HERC1: variants seen among roughly 807,000 people sequenced by gnomAD.
HERC1 encodes HECT and RLD domain containing E3 ubiquitin protein ligase family member 1.
In HERC1, 160 loss-of-function variants were observed where a neutral mutation model predicts 554.3. That is an observed-to-expected ratio of 0.29 (90% CI 0.25 to 0.33). The LOEUF (loss-of-function observed/expected upper bound fraction) is 0.33. Ranked by LOEUF, HERC1 falls within the 10% of genes least tolerant of loss-of-function variation. The pLI is 1.00. For missense variants in HERC1, 4,919 were observed against 5,918.5 expected (o/e 0.83, Z 5.54); for synonymous variants, 2,175 against 2,131.7 (o/e 1.02, Z -0.56).
intron 1 of HERC1, among the ~76,000 whole-genome samples, chr15:63,784,272 T>C (rs1204974640): frequency 2.0e-5 from 3 of 152,014 alleles, no homozygotes; most frequent in Non-Finnish European, 4.4e-5. Flanking sequence ...AATTCAAAAA[T>C]ATACACATAA....
intron 8 of HERC1, chr15:63,752,447 T>G (rs1285747674): frequency 6.6e-6 from 1 of 152,324 alleles, no homozygotes; most frequent in Non-Finnish European, 1.5e-5. Context: ...TCGAAGCTTA[T>G]AAGCTATAAA....
intron 63 of HERC1, among the ~76,000 whole-genome samples, chr15:63,638,041 C>T (rs187380276): frequency 1.3e-5 from 2 of 152,180 alleles, no homozygotes; most frequent in East Asian, 1.9e-4. Context: ...GGCGCTATAT[C>T]GTACCAGGAT....
At chr15:63,622,765 G>A in intron 74 of HERC1, 50 bp downstream of exon 74, 1 of 1,359,144 alleles carries the variant, frequency 7.4e-7, no homozygotes. Flanking sequence ...ATAAATGTGA[G>A]CTATTATTAT....
At chr15:63,744,053 T>A (rs1001715347) in intron 12 of HERC1, among the ~76,000 whole-genome samples, 22 of 151,514 alleles carry the variant, frequency 1.5e-4, no homozygotes, top group Non-Finnish European at 2.4e-4. Flanking sequence ...CTGGGAGAAT[T>A]CTCTGGATTA....
In HERC1 at chr15:63,652,515, T is replaced by C. The variant is rs2069748628; in HGVS notation, c.10317A>G (p.Lys3439=). 1.9e-6 allele frequency: 3 copies of C among 1,600,990 alleles called. No homozygotes were observed. Residue 3439 remains lysine (K), a synonymous_variant, in exon 52 of 78, where the codon AAA becomes AAG. Transcript: ENST00000443617. ...TGCCACTTGTAGCCAAAAGACCTTT[T>C]TTATTACACCAAACACATGTCATTA... ...NRVMTCVWCN[K]KGLLATSGND... is the part of the protein sequence containing the mutation.
At chr15:63,618,972 C>G (rs146159842) in intron 74 of HERC1, among the ~76,000 whole-genome samples, 2 of 151,744 alleles carry the variant, frequency 1.3e-5, no homozygotes, top group African/African-American at 4.8e-5. Context: ...CTTTTCCTAA[C>G]TGAATGCCCT....
Position 63,656,230 on chromosome 15 carries a change from G to C in HERC1, c.9728C>G (p.Ala3243Gly). The C allele has an allele frequency of 1.2e-6, 2 of 1,613,718 alleles. No homozygotes were observed. The highest frequency in any genetic ancestry group is 1.7e-6 in the Non-Finnish European group (2 of 1,179,760). The change falls in exon 49 of 78, where the codon GCT (alanine) becomes GGT (glycine). Residue 3243 changes from alanine to glycine, a missense_variant. Around this residue, in one of 11 missense-constraint regions of HERC1, gnomAD observed 1,963 missense variants for 2,228.6 expected, o/e 0.88. Coordinates refer to ENST00000443617, the MANE Select transcript of HERC1 (RefSeq NM_003922.4). ...ACCTCGTGATCGTTCTGAGGTGCTA[G>C]CCATGGCAGAAGGGCTGGTGGAGAG... ...AGLSTSPSAM[A>G]STSERSRGGH...
At chr15:63,733,710 A>C (rs2074387928) in intron 13 of HERC1, among the ~76,000 whole-genome samples, 1 of 151,976 alleles carries the variant, frequency 6.6e-6, no homozygotes, top group African/African-American at 2.4e-5. Context: ...AAATTAGCTG[A>C]GCATGGTGGT....
At chr15:63,722,481 C>T (rs899896895) in intron 19 of HERC1, among the ~76,000 whole-genome samples, 2 of 152,174 alleles carry the variant, frequency 1.3e-5, no homozygotes, top group Admixed American at 6.5e-5. Flanking sequence ...TTCATGGTTT[C>T]AGTTACTTGC....
At chr15:63,829,269 A>C (rs2078043656) in intron 1 of HERC1, among the ~76,000 whole-genome samples, 2 of 151,808 alleles carry the variant, frequency 1.3e-5, no homozygotes, top group Non-Finnish European at 1.5e-5. Context: ...AAATTAAAAA[A>C]AAATCAGCGG....
rs1307780445 is a variant in HERC1, at chr15:63,661,328, C to G, written c.9171-303G>C. On this transcript the variant is annotated intron_variant, in intron 45 of 77. Coordinates refer to ENST00000443617, the MANE Select transcript of HERC1 (RefSeq NM_003922.4). ...TTTAATAGTTGACAATTAAGGGCAA[C>G]AAACCTACTCTCTAGGGATTAAGGA... Among the ~76,000 whole-genome samples, 4 of 152,142 alleles carry G rather than the reference C, an allele frequency of 2.6e-5. No individual in the cohort carries two copies. In the South Asian group the frequency reaches 8.3e-4, roughly 31 times the overall value.
In HERC1 at chr15:63,623,724, C is replaced by T; in HGVS notation, c.13611+1G>A. The stretch of plus-strand genomic sequence containing the variant: ...CAGCAGGGGACACTGCAGGAATATA[C>T]CTGGCACATCTCTGTGATGGTGTCA... On this transcript the variant is annotated splice_donor_variant, in intron 73 of 77. Transcript: ENST00000443617. LOFTEE classifies it high-confidence loss of function. 6.2e-7 allele frequency: 1 copy of T among 1,613,638 alleles called. No homozygotes were observed. Among genetic ancestry groups the T allele is most frequent in the Non-Finnish European group, 8.5e-7 (1 of 1,179,686 alleles).
At chr15:63,645,453 A>G in intron 56 of HERC1, 30 bp downstream of exon 56, 4 of 1,537,952 alleles carry the variant, frequency 2.6e-6, no homozygotes, top group Non-Finnish European at 3.5e-6. Context: ...TATAAAAACT[A>G]AGACGTATAG....
chr15:63,727,789 G>A lies in HERC1; in HGVS notation c.3204C>T (p.Asn1068=), dbSNP rs1188109582. 7 of 1,613,830 alleles carry A rather than the reference G, an allele frequency of 4.3e-6. No homozygotes were observed. Among genetic ancestry groups the A allele is most frequent in the Non-Finnish European group, 5.9e-6 (7 of 1,179,864 alleles). ...CTGACACAGGGAGTAACAGCAGGGA[G>A]TTAACAATCTGGCAGAGCATACTGC... ...AAGSMLCQIV[N]SLLLLPVSVA... Residue 1068 remains asparagine, a synonymous_variant, in exon 17 of 78, where the codon AAC becomes AAT. Coordinates refer to ENST00000443617, the MANE Select transcript of HERC1 (RefSeq NM_003922.4). The surrounding 1 kb of genome is among the most constrained non-coding windows in gnomAD (Gnocchi z 4.3).
Position 63,758,950 on chromosome 15 carries a change from A to T in HERC1, c.1027-581T>A, listed in dbSNP as rs2075519243. On this transcript the variant is annotated intron_variant, in intron 3 of 77. Coordinates refer to ENST00000443617, the MANE Select transcript of HERC1 (RefSeq NM_003922.4). This position sits in a 1 kb window ranked among gnomAD's most constrained non-coding sequence, Gnocchi z 4.0. ...CATTATCTTACACAGACTAGACTCA[A>T]ACTCCTGGGTTCAAGCAATCCTCCC... 6.6e-6 allele frequency among the ~76,000 whole-genome samples: 1 copy of T among 152,058 alleles called. No homozygotes were observed. Among genetic ancestry groups the T allele is most frequent in the Non-Finnish European group, 1.5e-5 (1 of 68,012 alleles).
intron 66 of HERC1, among the ~76,000 whole-genome samples, chr15:63,634,372 C>T (rs1453730497): frequency 1.3e-5 from 2 of 152,208 alleles, no homozygotes; most frequent in African/African-American, 4.8e-5. Flanking sequence ...GGAGCAGTAG[C>T]TACCAGTGAT....
At chr15:63,610,922 G>A (rs753470470) in intron 77 of HERC1, among the ~76,000 whole-genome samples, 58 of 152,306 alleles carry the variant, frequency 3.8e-4, no homozygotes, top group Non-Finnish European at 8.2e-4. Context: ...TAAGTTCTGG[G>A]TTTGAGGGCT....
intron 74 of HERC1, among the ~76,000 whole-genome samples, chr15:63,621,994 A>G (rs1199131959): frequency 6.6e-6 from 1 of 151,860 alleles, no homozygotes; most frequent in Non-Finnish European, 1.5e-5. Flanking sequence ...TCAACTCGTC[A>G]AAGTCATTCT....
At position 63,694,851 on chromosome 15, in the gene HERC1, T is replaced by C. The variant is rs1354751660; in HGVS notation, c.5165A>G (p.Gln1722Arg). The C allele has an allele frequency of 2.5e-6, 4 of 1,613,576 alleles. No homozygotes were observed. Among genetic ancestry groups the C allele is most frequent in the Non-Finnish European group, 3.4e-6 (4 of 1,179,630 alleles). ...AAKRNIQIEI[Q>R]VAVHKIYQQL... ...TTGATAAATTTTATGCACAGCTACC[T>C]GGATTTCAATCTGAATATTTCTCTT... Residue 1722 changes from glutamine (Q) to arginine (R), a missense_variant, in exon 28 of 78, where the codon CAG (glutamine) becomes CGG (arginine). Transcript: ENST00000443617. The surrounding 1 kb of genome is among the most constrained non-coding windows in gnomAD (Gnocchi z 4.3).
Sources: allele counts gnomAD v4.1 joint callset (sites outside exome capture counted in the v4.1 genomes callset), GRCh38; gene constraint gnomAD v4.1.1; regional missense constraint gnomAD v4.1.1; non-coding constraint Gnocchi (gnomAD v3.1); transcripts MANE v1.5; gene names NCBI Gene and HGNC (gene_info 2026-07-23, HGNC 2026-07-21).